The following SLC5A4 variants were observed in gnomAD, a reference collection of about 807,000 sequenced individuals.
SLC5A4 encodes the protein probable glucose sensor protein SLC5A4.
In SLC5A4, 55 loss-of-function variants were observed where a neutral mutation model predicts 70.3. That is an observed-to-expected ratio of 0.78 (90% CI 0.63 to 0.98). SLC5A4 has a LOEUF of 0.98. Ranked by LOEUF, SLC5A4 falls within the 50% of genes least tolerant of loss-of-function variation. The pLI, the probability that SLC5A4 is intolerant of heterozygous loss-of-function variation, is 0.00. For synonymous variants in SLC5A4, 268 were observed against 305.7 expected (o/e 0.88, Z 1.29); for missense variants, 735 against 839.2 (o/e 0.88, Z 1.53).
the SLC5A4 span, among the ~76,000 whole-genome samples, chr22:32,307,220 G>A: frequency 6.6e-6 from 1 of 152,198 alleles, no homozygotes; most frequent in Non-Finnish European, 1.5e-5. Context: ...GGGCAAATCT[G>A]TCAGGGCTTT....
intron 13 of SLC5A4, among the ~76,000 whole-genome samples, chr22:32,223,297 T>A (rs1053333928): frequency 6.6e-6 from 1 of 152,172 alleles, no homozygotes; most frequent in African/African-American, 2.4e-5. Flanking sequence ...TTATACACAG[T>A]AAGCTCCTAA....
chr22:32,269,753 G>C, the SLC5A4 span: 1 of 648,818 alleles, frequency 1.5e-6, no homozygotes, highest in Admixed American at 1.8e-5. This position sits in a 1 kb window ranked among gnomAD's most constrained non-coding sequence, Gnocchi z 4.1. Context: ...TGTGCACCCA[G>C]CTGGGTGTGT....
the SLC5A4 span, among the ~76,000 whole-genome samples, chr22:32,321,128 A>C: frequency 6.6e-6 from 1 of 152,210 alleles, no homozygotes; most frequent in Admixed American, 6.5e-5. Flanking sequence ...TCTACTAAAA[A>C]CACAAAAATA....
chr22:32,287,423 C>T, the SLC5A4 span, among the ~76,000 whole-genome samples: 8 of 151,988 alleles, frequency 5.3e-5, no homozygotes, highest in African/African-American at 1.9e-4. Flanking sequence ...AGAAGGATTT[C>T]AGAATTGTTA....
At chr22:32,312,654 C>CTCGTAATCT in the SLC5A4 span, among the ~76,000 whole-genome samples, 19 of 152,120 alleles carry the variant, frequency 1.2e-4, no homozygotes, top group African/African-American at 4.3e-4. Context: ...CCTGAGTTTG[C>CTCGTAATCT]TCGTAATCTT....
chr22:32,331,485 T>G, the SLC5A4 span, among the ~76,000 whole-genome samples: 4 of 152,134 alleles, frequency 2.6e-5, no homozygotes, highest in Non-Finnish European at 5.9e-5. Flanking sequence ...AGAATTATTT[T>G]GTGCTTTATA....
At chr22:32,246,406 C>A (rs1008533006) in intron 5 of SLC5A4, among the ~76,000 whole-genome samples, 2 of 152,196 alleles carry the variant, frequency 1.3e-5, no homozygotes, top group African/African-American at 4.8e-5. Context: ...GAGATTATTT[C>A]ATTAGTCACC....
intron 2 of SLC5A4, 144 bp downstream of exon 2, chr22:32,253,998 C>A (rs932292574): frequency 4.1e-6 from 3 of 731,416 alleles, no homozygotes; most frequent in Non-Finnish European, 7.6e-6. Flanking sequence ...TCAGGCTGGT[C>A]TCGAACTCCT....
At chr22:32,295,757 C>T in the SLC5A4 span, among the ~76,000 whole-genome samples, 2 of 85,756 alleles carry the variant, frequency 2.3e-5, no homozygotes, top group South Asian at 9.0e-4. Flanking sequence ...ATGGTAATGC[C>T]TAGGTTTTCT....
intron 1 of SLC5A4, among the ~76,000 whole-genome samples, chr22:32,254,684 G>A (rs1479538024): frequency 1.3e-5 from 2 of 151,938 alleles, no homozygotes; most frequent in Non-Finnish European, 2.9e-5. Context: ...CATGCCTGTA[G>A]TCCCAGCTAC....
At chr22:32,258,408 A>G (rs77275764), upstream of SLC5A4, among the ~76,000 whole-genome samples, 687 of 152,330 alleles carry the variant, frequency 4.5e-3, 5 homozygotes, top group African/African-American at 0.016. Context: ...AAAACTAATA[A>G]GCCAATTAAA....
At chr22:32,284,809 C>T in the SLC5A4 span, 1 of 152,150 alleles carries the variant, frequency 6.6e-6, no homozygotes, top group African/African-American at 2.4e-5. Flanking sequence ...CAAAAGACCA[C>T]AATGATCCAA....
At chr22:32,329,449 A>G in the SLC5A4 span, among the ~76,000 whole-genome samples, 1 of 151,482 alleles carries the variant, frequency 6.6e-6, no homozygotes, top group Non-Finnish European at 1.5e-5. Flanking sequence ...CTTTGTCTTT[A>G]GCAAAATATC....
the SLC5A4 span, chr22:32,270,291 G>T: frequency 7.1e-5 from 58 of 811,492 alleles, no homozygotes; most frequent in Non-Finnish European, 1.2e-4. Flanking sequence ...ACAACCCTGA[G>T]CCGGACCTGG....
chr22:32,279,901 A>G, the SLC5A4 span, among the ~76,000 whole-genome samples: 1 of 151,812 alleles, frequency 6.6e-6, no homozygotes, highest in African/African-American at 2.4e-5. Context: ...GGGGGTGGGG[A>G]AGGTGGGGAG....
At chr22:32,231,926 G>T (rs2123890439) in intron 9 of SLC5A4, among the ~76,000 whole-genome samples, 1 of 151,904 alleles carries the variant, frequency 6.6e-6, no homozygotes, top group South Asian at 2.1e-4. Context: ...TGTCACCCAA[G>T]CTGTAGTGCA....
At chr22:32,308,092 G>A in the SLC5A4 span, among the ~76,000 whole-genome samples, 1 of 152,020 alleles carries the variant, frequency 6.6e-6, no homozygotes, top group Non-Finnish European at 1.5e-5. Flanking sequence ...TACCTACCTA[G>A]AGTCACTCTG....
At chr22:32,290,132 G>A in the SLC5A4 span, among the ~76,000 whole-genome samples, 1 of 152,080 alleles carries the variant, frequency 6.6e-6, no homozygotes, top group Non-Finnish European at 1.5e-5. Context: ...TACAGAATGT[G>A]CAGGTTTGTG....
At chr22:32,245,807 C>A (rs566678258) in intron 5 of SLC5A4, among the ~76,000 whole-genome samples, 27 of 152,358 alleles carry the variant, frequency 1.8e-4, no homozygotes, top group African/African-American at 6.5e-4. Flanking sequence ...GCGTGAGCCA[C>A]TGCGCCCGGC....
Sources: gnomAD v4.1 joint callset for allele counts (sites outside exome capture counted in the v4.1 genomes callset) on GRCh38, gnomAD v4.1.1 for gene constraint, Gnocchi (gnomAD v3.1) non-coding constraint, MANE v1.5 for transcripts, NCBI Gene and HGNC (gene_info 2026-07-23, HGNC 2026-07-21) for gene names.